The following RUSF1 variants were observed in gnomAD, a reference collection of about 807,000 sequenced individuals.
RUSF1 encodes the protein RUS1 family protein C16orf58.
A neutral mutation model predicts 63.0 loss-of-function variants in RUSF1; 58 were observed. The ratio of observed to expected loss-of-function variants is 0.92; its 90% CI spans 0.75 to 1.15. The LOEUF is 1.15. Ranked by LOEUF, RUSF1 falls within the 50% of genes most tolerant of loss-of-function variation. The pLI is 0.00. For synonymous variants in RUSF1, 274 were observed against 255.8 expected, an observed-to-expected ratio of 1.07 and a Z score of -0.68; for missense variants, 652 against 611.0, an observed-to-expected ratio of 1.07 and a Z score of -0.71.
intron 12 of RUSF1, among the ~76,000 whole-genome samples, chr16:31,491,784 GTTTT>G (rs917765735): frequency 6.6e-6 from 1 of 151,374 alleles, no homozygotes; most frequent in Non-Finnish European, 1.5e-5. Flanking sequence ...TAATTTTTGT[GTTTT>G]TTTTGTACAG....
chr16:31,507,500 G>C lies in RUSF1; in HGVS notation c.415+264C>G, dbSNP rs148134169. ...TCCACAAAGAGAATAGGGATAAAGGGGAGGGGACGGGATTTGGGATCCAGA... is the reference window on the plus strand; with the variant it reads ...TCCACAAAGAGAATAGGGATAAAGGCGAGGGGACGGGATTTGGGATCCAGA... On this transcript the variant is annotated intron_variant, in intron 2 of 12. Transcript: ENST00000327237. Among the ~76,000 whole-genome samples, 507 of 152,298 alleles carry C rather than the reference G, an allele frequency of 3.3e-3. 1 individual carries two copies. Among genetic ancestry groups the C allele is most frequent in the Admixed American group, 5.0e-3 (77 of 15,306 alleles).
rs1596623482 is a variant in RUSF1 at position 31,490,718 on chromosome 16, G to A, written c.*117C>T. 9 of 1,252,996 alleles carry A rather than the reference G, an allele frequency of 7.2e-6. No homozygotes were observed. The East Asian group carries it at 1.2e-4, about 16-fold the overall frequency. The allele number at this position is 1,252,996 out of a possible 1,614,324, so 77.6% of individuals were successfully genotyped here. A position where few individuals can be genotyped will look rare whatever the true frequency, so the allele number is the denominator to read the frequency against. On this transcript the variant is annotated 3_prime_UTR_variant, in exon 13 of 13. Transcript: ENST00000327237. ...GGCAGTCACTTCCCATGAGGGCCTG[G>A]CCCACCCGCTGCAGTTGCCCTAAGG...
At chr16:31,492,516 T>C (rs974577043) in intron 10 of RUSF1, among the ~76,000 whole-genome samples, 176 bp from the exon 11 acceptor site, 1 of 152,198 alleles carries the variant, frequency 6.6e-6, no homozygotes, top group Non-Finnish European at 1.5e-5. Flanking sequence ...CGGGCCAAAC[T>C]GACCAATTTC....
intron 9 of RUSF1, chr16:31,493,251 C>A: frequency 1.2e-6 from 1 of 861,414 alleles, no homozygotes; most frequent in Non-Finnish European, 1.9e-6. Flanking sequence ...CCCCATCTAC[C>A]CATCCTTCCT....
chr16:31,500,543 G>A, intron 3 of RUSF1, 143 bp downstream of exon 3: 2 of 1,060,458 alleles, frequency 1.9e-6, no homozygotes, highest in Non-Finnish European at 2.7e-6. Flanking sequence ...GAGCCATTAT[G>A]TACGATGCCA....
At chr16:31,491,780 TTG>T (rs1455388912) in intron 12 of RUSF1, among the ~76,000 whole-genome samples, 1 of 152,038 alleles carries the variant, frequency 6.6e-6, no homozygotes. Flanking sequence ...TGGCTAATTT[TTG>T]TGTTTTTTTT....
At chr16:31,503,271 C>G (rs972426185) in intron 2 of RUSF1, among the ~76,000 whole-genome samples, 1 of 152,172 alleles carries the variant, frequency 6.6e-6, no homozygotes, top group African/African-American at 2.4e-5. Context: ...GAGTAGAACA[C>G]AGGAATAAGT....
At chr16:31,493,250 C>G in intron 9 of RUSF1, 1 of 859,270 alleles carries the variant, frequency 1.2e-6, no homozygotes, top group Non-Finnish European at 1.9e-6. Context: ...TCCCCATCTA[C>G]CCATCCTTCC....
rs763175349 is a variant in RUSF1 at position 31,507,768 on chromosome 16, C to G, written c.411G>C (p.Val137=). The G allele has an allele frequency of 5.1e-6, 8 of 1,563,592 alleles. No homozygotes were observed. The East Asian group carries it at 1.9e-4, about 37-fold the overall frequency. ...TVSAATATWL[V]KDSTGMLGRI... ...GGCTCCAGGGGTGCAGCTCACCTTT[C>G]ACGAGCCAGGTGGCCGTGGCAGCTG... The change falls in exon 2 of 13, where the codon GTG becomes GTC. Residue 137 remains valine, a synonymous_variant. Coordinates refer to ENST00000327237, the MANE Select transcript of RUSF1 (RefSeq NM_022744.4).
rs1428453152 is a variant in RUSF1 at position 31,489,701 on chromosome 16, C to T, written c.*1134G>A. 2.2e-6 allele frequency: 1 copy of T among 459,624 alleles called. No homozygotes were observed. Among genetic ancestry groups the T allele is most frequent in the Non-Finnish European group, 4.0e-6 (1 of 248,864 alleles). 28.5% of individuals were successfully genotyped at this position (459,624 alleles called of 1,614,324 possible). A position where few individuals can be genotyped will look rare whatever the true frequency, so the allele number is the denominator to read the frequency against. Reference sequence around the variant, plus strand: ...TGGCTCCAGGCAGGGCTGATGGTGGCAGGGTGGGGTGAGGACAGGACAAGA... The same window carrying T: ...TGGCTCCAGGCAGGGCTGATGGTGGTAGGGTGGGGTGAGGACAGGACAAGA... On this transcript the variant is annotated 3_prime_UTR_variant, in exon 13 of 13. Transcript: ENST00000327237.
intron 2 of RUSF1, among the ~76,000 whole-genome samples, chr16:31,501,412 C>G (rs1169502373): frequency 6.6e-6 from 1 of 152,118 alleles, no homozygotes; most frequent in East Asian, 1.9e-4. Flanking sequence ...CTGGGCAACA[C>G]AGCAAGACCC....
intron 2 of RUSF1, among the ~76,000 whole-genome samples, chr16:31,507,487 A>C (rs1325535760): frequency 1.3e-5 from 2 of 152,116 alleles, no homozygotes; most frequent in Non-Finnish European, 2.9e-5. Context: ...CACAAAGAGA[A>C]TAGGGATAAA....
At chr16:31,507,509 G>A (rs1022993983) in intron 2 of RUSF1, among the ~76,000 whole-genome samples, 20 of 152,138 alleles carry the variant, frequency 1.3e-4, no homozygotes, top group Non-Finnish European at 1.9e-4. Context: ...GGGAGGGGAC[G>A]GGATTTGGGA....
chr16:31,495,608 G>A (rs1336231885), intron 6 of RUSF1, among the ~76,000 whole-genome samples: 1 of 152,122 alleles, frequency 6.6e-6, no homozygotes, highest in Non-Finnish European at 1.5e-5. Flanking sequence ...AGGGACACCA[G>A]GCATGGAGCT....
At chr16:31,491,537 G>C (rs1415531011) in intron 12 of RUSF1, among the ~76,000 whole-genome samples, 1 of 150,244 alleles carries the variant, frequency 6.7e-6, no homozygotes, top group Non-Finnish European at 1.5e-5. Context: ...GGCTGGCCTT[G>C]AACTCCTGAG....
At chr16:31,500,591 C>A in intron 3 of RUSF1, 95 bp downstream of exon 3, 2 of 1,452,450 alleles carry the variant, frequency 1.4e-6, no homozygotes, top group South Asian at 1.3e-5. Context: ...TCTCATGGAA[C>A]CCTTACAGCC....
chr16:31,496,365 C>G (rs909759351), intron 6 of RUSF1, among the ~76,000 whole-genome samples: 2 of 152,140 alleles, frequency 1.3e-5, no homozygotes, highest in African/African-American at 4.8e-5. Context: ...ATGCAGTACA[C>G]GTAAGCACTC....
At chr16:31,500,552 C>A (rs1363854875) in intron 3 of RUSF1, 134 bp downstream of exon 3, 2 of 1,159,322 alleles carry the variant, frequency 1.7e-6, no homozygotes, top group Non-Finnish European at 1.2e-6. Context: ...TGTACGATGC[C>A]ACGGGCATTA....
In RUSF1 at chr16:31,490,058, T is replaced by C. The variant is rs1567392466; in HGVS notation, c.*777A>G. 2 of 1,611,000 alleles carry C rather than the reference T, an allele frequency of 1.2e-6. No individual in the cohort carries two copies. Among genetic ancestry groups the C allele is most frequent in the South Asian group, 1.1e-5 (1 of 90,564 alleles). ...GTGCAAGAGACTTTAGGGCCAGGCA[T>C]GGGGGGACAGAACTCCCACCTCGTT... On this transcript the variant is annotated 3_prime_UTR_variant, in exon 13 of 13. Coordinates refer to ENST00000327237, the MANE Select transcript of RUSF1 (RefSeq NM_022744.4).
Sources: gnomAD v4.1 joint callset for allele counts (sites outside exome capture counted in the v4.1 genomes callset) on GRCh38, gnomAD v4.1.1 for gene constraint, MANE v1.5 for transcripts, NCBI Gene and HGNC (gene_info 2026-07-23, HGNC 2026-07-21) for gene names.